OSBPL10: variants seen among roughly 807,000 people sequenced by gnomAD.
The protein encoded by OSBPL10 is oxysterol-binding protein-related protein 10.
In OSBPL10, 49 loss-of-function variants were observed where a neutral mutation model predicts 81.7. That is an observed-to-expected ratio of 0.60 (90% CI 0.48 to 0.76). The LOEUF (loss-of-function observed/expected upper bound fraction) is 0.76. Ranked by LOEUF, OSBPL10 falls within the 30% of genes least tolerant of loss-of-function variation. The probability of loss-of-function intolerance (pLI) is 0.00; values close to 1 mark genes in which losing one functional copy is unlikely to be tolerated. For missense variants in OSBPL10, 923 were observed against 987.8 expected (o/e 0.93, Z 0.88); for synonymous variants, 419 against 383.6 (o/e 1.09, Z -1.08).
chr3:31,948,656 C>A (rs1697772450), intron 1 of OSBPL10, among the ~76,000 whole-genome samples: 1 of 152,196 alleles, frequency 6.6e-6, no homozygotes, highest in South Asian at 2.1e-4. Context: ...CGTGTGCATT[C>A]AATGCACCCC....
At chr3:31,728,875 T>C (rs1324893164) in intron 6 of OSBPL10, among the ~76,000 whole-genome samples, 1 of 152,094 alleles carries the variant, frequency 6.6e-6, no homozygotes, top group African/African-American at 2.4e-5. Context: ...AAGTTGGAAG[T>C]TTTGCATTAT....
intron 4 of OSBPL10, among the ~76,000 whole-genome samples, chr3:31,827,649 A>AT (rs1340470595): frequency 1.4e-5 from 2 of 147,548 alleles, no homozygotes; most frequent in Non-Finnish European, 3.0e-5. Context: ...AAAAAAAAAA[A>AT]TTTTTTTTAG....
intron 4 of OSBPL10, among the ~76,000 whole-genome samples, chr3:31,776,790 G>C (rs1236989396): frequency 6.6e-6 from 1 of 152,100 alleles, no homozygotes; most frequent in Non-Finnish European, 1.5e-5. Context: ...GGGGGAGGAG[G>C]GAAGGGAGGG....
chr3:31,717,525 G>A (rs921326657), intron 6 of OSBPL10, among the ~76,000 whole-genome samples: 14 of 152,128 alleles, frequency 9.2e-5, no homozygotes, highest in African/African-American at 2.4e-4. Flanking sequence ...AACCAAGAGC[G>A]AAACTACCAC....
At chr3:31,988,667 A>T (rs952767769) in intron 2 of OSBPL10, 2 of 205,560 alleles carry the variant, frequency 9.7e-6, no homozygotes, top group Admixed American at 5.2e-5. Context: ...CAGTCACTCT[A>T]GGAAAGCCAG....
chr3:31,934,659 G>A (rs1341009042), intron 1 of OSBPL10, among the ~76,000 whole-genome samples: 5 of 149,694 alleles, frequency 3.3e-5, no homozygotes, highest in Middle Eastern at 6.9e-3. Flanking sequence ...CACCCGCCTC[G>A]GCCTCCCAAG....
intron 1 of OSBPL10, among the ~76,000 whole-genome samples, chr3:31,930,508 G>C (rs1259606825): frequency 6.6e-6 from 1 of 152,144 alleles, no homozygotes; most frequent in Admixed American, 6.5e-5. Flanking sequence ...AAGTATGTAT[G>C]TACAGGTATT....
chr3:31,743,195 G>A (rs985459048), intron 5 of OSBPL10, among the ~76,000 whole-genome samples: 5 of 151,814 alleles, frequency 3.3e-5, no homozygotes, highest in Admixed American at 6.6e-5. Flanking sequence ...TGCCCGCCAC[G>A]ACGCCCAGAT....
intron 1 of OSBPL10, among the ~76,000 whole-genome samples, chr3:31,935,233 T>A (rs140452325): frequency 6.6e-6 from 1 of 152,166 alleles, no homozygotes; most frequent in Non-Finnish European, 1.5e-5. Flanking sequence ...TTTTTAACTA[T>A]AATTTTTGCC....
chr3:31,973,132 C>A (rs571859963), intron 1 of OSBPL10, among the ~76,000 whole-genome samples: 1 of 152,132 alleles, frequency 6.6e-6, no homozygotes, highest in Non-Finnish European at 1.5e-5. Context: ...CCCACGTTTC[C>A]GGCACAATCA....
chr3:31,664,044 C>T (rs1433679242), intron 11 of OSBPL10, 35 bp downstream of exon 11: 1 of 1,614,028 alleles, frequency 6.2e-7, no homozygotes, highest in Non-Finnish European at 8.5e-7. Context: ...AAGTTCTCTC[C>T]TGGGCAAGGG....
At chr3:31,673,833 A>T (rs1161918463) in intron 8 of OSBPL10, among the ~76,000 whole-genome samples, 2 of 152,140 alleles carry the variant, frequency 1.3e-5, no homozygotes, top group East Asian at 3.9e-4. Flanking sequence ...CCACTCAGTC[A>T]CTCAGGCTGA....
At chr3:32,075,170 A>G (rs956061755) in intron 1 of OSBPL10, among the ~76,000 whole-genome samples, 1 of 152,182 alleles carries the variant, frequency 6.6e-6, no homozygotes. Flanking sequence ...ATGTATCACA[A>G]ACTTTATCTG....
In OSBPL10 at chr3:31,849,845, C is replaced by A. The variant is rs546245868; in HGVS notation, c.538-19614G>T. On this transcript the variant is annotated intron_variant, in intron 3 of 11. Transcript: ENST00000396556. ...CTGAAGCCAGGAGTTCGAGACCAGCCTGGGCAACATAGTGAGTCTCCTTCT... is the reference window on the plus strand; with the variant it reads ...CTGAAGCCAGGAGTTCGAGACCAGCATGGGCAACATAGTGAGTCTCCTTCT... Among the ~76,000 whole-genome samples, 10 of 152,184 alleles carry A rather than the reference C, an allele frequency of 6.6e-5. No individual in the cohort carries two copies. In the South Asian group the frequency reaches 1.9e-3, roughly 28 times the overall value.
At chr3:31,855,920 A>G (rs558637301) in intron 3 of OSBPL10, among the ~76,000 whole-genome samples, 6 of 152,208 alleles carry the variant, frequency 3.9e-5, no homozygotes, top group Admixed American at 3.3e-4. Flanking sequence ...ACAGCAACTC[A>G]AGTATTGTAG....
chr3:31,809,538 A>AG (rs1398780470), intron 4 of OSBPL10, among the ~76,000 whole-genome samples: 1 of 152,228 alleles, frequency 6.6e-6, no homozygotes, highest in Non-Finnish European at 1.5e-5. Context: ...AAGTGCCAGT[A>AG]GGGTGGTGGT....
intron 1 of OSBPL10, among the ~76,000 whole-genome samples, chr3:31,964,899 T>C (rs1038736932): frequency 1.3e-5 from 2 of 152,172 alleles, no homozygotes; most frequent in African/African-American, 4.8e-5. Context: ...GTGTACTTTC[T>C]TTCCAGACCA....
chr3:31,664,458 C>T, intron 10 of OSBPL10: 1 of 587,228 alleles, frequency 1.7e-6, no homozygotes, highest in Non-Finnish European at 3.0e-6. Flanking sequence ...GGCAGCATGC[C>T]TTTCTCAGGG....
chr3:31,757,491 G>C (rs1170919914), intron 4 of OSBPL10, among the ~76,000 whole-genome samples: 1 of 152,188 alleles, frequency 6.6e-6, no homozygotes, highest in Non-Finnish European at 1.5e-5. Flanking sequence ...CTCTACCAAT[G>C]ACTTGATTTT....
Sources: allele counts gnomAD v4.1 joint callset (sites outside exome capture counted in the v4.1 genomes callset), GRCh38; gene constraint gnomAD v4.1.1; transcripts MANE v1.5; gene names NCBI Gene and HGNC (gene_info 2026-07-23, HGNC 2026-07-21).